TMEM39B: variants seen among roughly 807,000 people sequenced by gnomAD.
TMEM39B encodes the protein transmembrane protein 39B.
In TMEM39B, 23 loss-of-function variants were observed where a neutral mutation model predicts 52.2. The ratio of observed to expected loss-of-function variants is 0.44; its 90% confidence interval spans 0.32 to 0.62. The LOEUF is 0.62. Ranked by LOEUF, TMEM39B falls within the 20% of genes least tolerant of loss-of-function variation. The probability of loss-of-function intolerance (pLI) is 0.06; values close to 1 mark genes in which losing one functional copy is unlikely to be tolerated. For synonymous variants in TMEM39B, 285 were observed against 264.0 expected, an observed-to-expected ratio of 1.08 and a Z score of -0.77; for missense variants, 547 against 642.0, an observed-to-expected ratio of 0.85 and a Z score of 1.60.
intron 7 of TMEM39B, 60 bp from the exon 8 acceptor site, chr1:32,100,382 T>C: frequency 6.7e-7 from 1 of 1,502,498 alleles, no homozygotes; most frequent in Non-Finnish European, 8.9e-7. Flanking sequence ...TGCCCATTCT[T>C]CTGGTATCCC....
At chr1:32,078,482 T>C (rs1639957350) in intron 5 of TMEM39B, among the ~76,000 whole-genome samples, 1 of 151,452 alleles carries the variant, frequency 6.6e-6, no homozygotes. Context: ...AGGTCCTGTC[T>C]TTAAAAAAAA....
intron 8 of TMEM39B, among the ~76,000 whole-genome samples, chr1:32,101,016 G>C (rs925301211): frequency 6.6e-6 from 1 of 152,148 alleles, no homozygotes; most frequent in Non-Finnish European, 1.5e-5. Context: ...GGGCAACAGA[G>C]CAAGACTCAT....
intron 4 of TMEM39B, 115 bp downstream of exon 4, chr1:32,076,961 G>T: frequency 7.4e-7 from 1 of 1,343,844 alleles, no homozygotes; most frequent in Non-Finnish European, 1.1e-6. Context: ...GGCTCCCTTT[G>T]GACTTGGTTG....
rs372150919 is a variant in TMEM39B, at chr1:32,102,677, C to T, written c.*4C>T. ...CCTGGACCACCGTTTCTCCTGAGCC[C>T]TGGGGTCACCTCAGGGACAGCGTCC... On this transcript the variant is annotated 3_prime_UTR_variant, in exon 9 of 9. Coordinates refer to ENST00000336294, the MANE Select transcript of TMEM39B (RefSeq NM_018056.4). 55 of 1,545,636 alleles carry T rather than the reference C, an allele frequency of 3.6e-5. No individual in the cohort carries two copies. In the East Asian group the frequency reaches 6.5e-4, roughly 18 times the overall value.
Position 32,073,059 on chromosome 1 carries a change from G to A in TMEM39B, c.4+8G>A. ...ACCGGGGGGAGGAGATGGGTGAGCA[G>A]AGCGGCTCAGGCTCGGCCTGGCAAC... On this transcript the variant is annotated splice_region_variant and intron_variant, in intron 1 of 8. Coordinates refer to ENST00000336294, the MANE Select transcript of TMEM39B (RefSeq NM_018056.4). 6.7e-7 allele frequency: 1 copy of A among 1,500,886 alleles called. No individual in the cohort carries two copies. Among genetic ancestry groups the A allele is most frequent in the Non-Finnish European group, 8.9e-7 (1 of 1,121,408 alleles). The allele number at this position is 1,500,886 out of a possible 1,614,324, so 93.0% of individuals were successfully genotyped here. A position where few individuals can be genotyped will look rare whatever the true frequency, so the allele number is the denominator to read the frequency against.
At chr1:32,087,285 T>C (rs1208564153) in intron 5 of TMEM39B, among the ~76,000 whole-genome samples, 4 of 119,368 alleles carry the variant, frequency 3.4e-5, no homozygotes, top group African/African-American at 1.3e-4. Flanking sequence ...ACGACTGTAC[T>C]CCAGTCTGGG....
intron 6 of TMEM39B, among the ~76,000 whole-genome samples, chr1:32,093,129 C>T (rs769447432): frequency 1.6e-4 from 24 of 152,008 alleles, no homozygotes; most frequent in Non-Finnish European, 2.6e-4. Flanking sequence ...GACGGAGTCT[C>T]GCTCTGTCGC....
At chr1:32,072,778 T>G, upstream of TMEM39B, 1 of 530,694 alleles carries the variant, frequency 1.9e-6, no homozygotes, top group Non-Finnish European at 3.3e-6. Flanking sequence ...TTCCCCTCCC[T>G]CTTGAGTCTC....
chr1:32,077,218 C>T lies in TMEM39B; in HGVS notation c.490C>T (p.Arg164Cys), dbSNP rs199599632. Residue 164 changes from arginine to cysteine, a missense_variant, in exon 5 of 9, where the codon CGC becomes TGC. Coordinates refer to ENST00000336294, the MANE Select transcript of TMEM39B (RefSeq NM_018056.4). ...LFRSILLFLT[R>C]FTVLTATGWS... ...TCGCTCCATCCTGCTGTTCCTCACT[C>T]GCTTCACCGTTCTCACGGCAACAGG... is the stretch of plus-strand genomic sequence containing the variant. 125 of 1,614,156 alleles carry T rather than the reference C, an allele frequency of 7.7e-5. No homozygotes were observed. The highest frequency in any genetic ancestry group is 2.2e-5 in the East Asian group (1 of 44,880).
chr1:32,073,336 C>G (rs1298855431), intron 1 of TMEM39B: 1 of 464,788 alleles, frequency 2.2e-6, no homozygotes, highest in Non-Finnish European at 3.6e-6. Context: ...GCGGGACTTA[C>G]CAGTGGGCGT....
rs780453681 is a variant in TMEM39B, at chr1:32,075,592, C to G, written c.132-11C>G. ...GGTCAGCTGCTGATGTTGTTCCCTC[C>G]CCACTGTCAGGAGCAGTTCTGGAAC... On this transcript the variant is annotated splice_polypyrimidine_tract_variant and intron_variant, in intron 2 of 8. Coordinates refer to ENST00000336294, the MANE Select transcript of TMEM39B (RefSeq NM_018056.4). 6.5e-7 allele frequency: 1 copy of G among 1,543,766 alleles called. No homozygotes were observed. The highest frequency in any genetic ancestry group is 8.8e-7 in the Non-Finnish European group (1 of 1,141,346).
At chr1:32,094,733 A>G (rs1640748837) in intron 6 of TMEM39B, 51 bp from the exon 7 acceptor site, 1 of 1,589,616 alleles carries the variant, frequency 6.3e-7, no homozygotes, top group South Asian at 1.1e-5. Context: ...AGGAAAGGGA[A>G]TGAGGCCATT....
rs575169904 is a variant in TMEM39B at position 32,073,653 on chromosome 1, T to A, written c.4+602T>A. The stretch of plus-strand genomic sequence containing the variant: ...GACTAAGGGTGTTTGTGTGGGATTT[T>A]CTAAGCCAAGTATAACAGCGTATGA... On this transcript the variant is annotated intron_variant, in intron 1 of 8. Coordinates refer to ENST00000336294, the MANE Select transcript of TMEM39B (RefSeq NM_018056.4). The A allele has an allele frequency of 4.1e-6, 4 of 985,798 alleles. No homozygotes were observed. The East Asian group carries it at 4.5e-4, about 112-fold the overall frequency. The allele number at this position is 985,798 out of a possible 1,614,324, so 61.1% of individuals were successfully genotyped here. A position where few individuals can be genotyped will look rare whatever the true frequency, so the allele number is the denominator to read the frequency against.
At chr1:32,085,372 A>AT (rs1291224285) in intron 5 of TMEM39B, among the ~76,000 whole-genome samples, 2 of 151,270 alleles carry the variant, frequency 1.3e-5, no homozygotes, top group South Asian at 2.1e-4. Flanking sequence ...TTTTACTGAG[A>AT]TTTTTTCAGC....
chr1:32,079,198 T>TAAAA (rs1455320216), intron 5 of TMEM39B, among the ~76,000 whole-genome samples: 1 of 150,054 alleles, frequency 6.7e-6, no homozygotes, highest in East Asian at 2.0e-4. Flanking sequence ...TTTTTTTTTT[T>TAAAA]TTTTGAGATG....
chr1:32,073,790 C>G (rs1639739382), intron 1 of TMEM39B: 1 of 985,232 alleles, frequency 1.0e-6, no homozygotes, highest in African/African-American at 1.7e-5. Flanking sequence ...AAAATTGGCT[C>G]CGAAGTGTGG....
chr1:32,102,637 T>A lies in TMEM39B; in HGVS notation c.1443T>A (p.Ala481=), dbSNP rs1383302482. ...LVLGKAYSYS[A]SPQRDLDHRF... ...TGGGCAAGGCCTACTCATACTCTGCTAGCCCCCAGAGAGACCTGGACCACC... is the reference window on the plus strand; with the variant it reads ...TGGGCAAGGCCTACTCATACTCTGCAAGCCCCCAGAGAGACCTGGACCACC... The change falls in exon 9 of 9, where the codon GCT becomes GCA. Residue 481 remains alanine (A), a synonymous_variant. Transcript: ENST00000336294. 1 of 1,607,192 alleles carries A rather than the reference T, an allele frequency of 6.2e-7. No homozygotes were observed. Among genetic ancestry groups the A allele is most frequent in the East Asian group, 2.2e-5 (1 of 44,786 alleles).
intron 1 of TMEM39B, chr1:32,073,773 C>G (rs1214016977): frequency 3.0e-6 from 3 of 985,186 alleles, no homozygotes; most frequent in Non-Finnish European, 3.6e-6. Flanking sequence ...GGCATACATC[C>G]AAGCCCAAAA....
At chr1:32,094,512 A>G (rs1322072871) in intron 6 of TMEM39B, among the ~76,000 whole-genome samples, 1 of 152,158 alleles carries the variant, frequency 6.6e-6, no homozygotes, top group African/African-American at 2.4e-5. Flanking sequence ...TAAATAAGCA[A>G]AAGAGCCCAG....
Sources: allele counts gnomAD v4.1 joint callset (sites outside exome capture counted in the v4.1 genomes callset), GRCh38; gene constraint gnomAD v4.1.1; transcripts MANE v1.5; gene names NCBI Gene and HGNC (gene_info 2026-07-23, HGNC 2026-07-21).